Variants in RPS6KC1 observed in about 807,000 individuals in gnomAD.
RPS6KC1 encodes the protein inactive ribosomal protein S6 kinase delta-1.
In RPS6KC1, 54 loss-of-function variants were observed where a neutral mutation model predicts 103.8. The observed-to-expected ratio is 0.52, with a 90% CI of 0.42 to 0.65. The LOEUF is 0.65. Among genes scored for constraint, RPS6KC1 ranks in the 30% least tolerant of loss-of-function variants. The probability of loss-of-function intolerance (pLI) is 0.00; values close to 1 mark genes in which losing one functional copy is unlikely to be tolerated. For missense variants in RPS6KC1, 1,151 were observed against 1,253.8 expected (o/e 0.92, Z 1.24); for synonymous variants, 439 against 438.7 (o/e 1.00, Z -0.01).
the RPS6KC1 span, among the ~76,000 whole-genome samples, chr1:213,460,443 A>AATATTCT: frequency 6.7e-6 from 1 of 148,244 alleles, no homozygotes; most frequent in Non-Finnish European, 1.5e-5. Context: ...TTACTTGGTA[A>AATATTCT]ATATTCTTCC....
Position 213,167,843 on chromosome 1 carries a change from G to C in RPS6KC1, c.836-15G>C, listed in dbSNP as rs757944948. On this transcript the variant is annotated splice_polypyrimidine_tract_variant and intron_variant, in intron 6 of 14. Coordinates refer to ENST00000366960, the MANE Select transcript of RPS6KC1 (RefSeq NM_012424.6). Reference sequence around the variant, plus strand: ...GGAAAATTTATTTTTTACATGTCCAGACTTTTTTTTTTAGGAGAGTCAAGC... The same window carrying C: ...GGAAAATTTATTTTTTACATGTCCACACTTTTTTTTTTAGGAGAGTCAAGC... 3.7e-5 allele frequency: 58 copies of C among 1,567,106 alleles called. No homozygotes were observed. Among genetic ancestry groups the C allele is most frequent in the Non-Finnish European group, 5.0e-5 (57 of 1,148,328 alleles).
At chr1:213,384,744 C>T in the RPS6KC1 span, among the ~76,000 whole-genome samples, 1 of 152,226 alleles carries the variant, frequency 6.6e-6, no homozygotes, top group Non-Finnish European at 1.5e-5. Context: ...GGAGAGCTGA[C>T]ATTCACTTCT....
At chr1:213,315,984 A>C in the RPS6KC1 span, among the ~76,000 whole-genome samples, 1 of 152,234 alleles carries the variant, frequency 6.6e-6, no homozygotes, top group Non-Finnish European at 1.5e-5. Flanking sequence ...AGATGGTATT[A>C]CTTCTTTATT....
the RPS6KC1 span, among the ~76,000 whole-genome samples, chr1:213,540,177 A>T: frequency 3.9e-5 from 6 of 151,974 alleles, no homozygotes; most frequent in Admixed American, 6.6e-5. Flanking sequence ...CAGTGGTGCA[A>T]TCATAGCACC....
the RPS6KC1 span, among the ~76,000 whole-genome samples, chr1:213,619,530 G>T: frequency 6.6e-6 from 1 of 152,198 alleles, no homozygotes; most frequent in African/African-American, 2.4e-5. Context: ...AATAAATGTG[G>T]GTTTTTAGAT....
chr1:213,681,563 G>A, the RPS6KC1 span, among the ~76,000 whole-genome samples: 1 of 152,074 alleles, frequency 6.6e-6, no homozygotes, highest in Non-Finnish European at 1.5e-5. Flanking sequence ...TTTGGAGGCC[G>A]AGGCAGGAGG....
At position 213,242,763 on chromosome 1, in the gene RPS6KC1, G is replaced by A. The variant is rs2094385572; in HGVS notation, c.2911+105G>A. On this transcript the variant is annotated intron_variant, in intron 12 of 14. Transcript: ENST00000366960. ...TATTGTTCACTAGCAGTTTACATAT[G>A]TGTTGGATTTGGTTATCTGTTTAAC... is the stretch of plus-strand genomic sequence containing the variant. 3.4e-6 allele frequency: 3 copies of A among 884,538 alleles called. No homozygotes were observed. The East Asian group carries it at 8.2e-5, about 24-fold the overall frequency. The allele number at this position is 884,538 out of a possible 1,614,324, so 54.8% of individuals were successfully genotyped here.
the RPS6KC1 span, among the ~76,000 whole-genome samples, chr1:213,755,879 T>G: frequency 6.6e-6 from 1 of 152,222 alleles, no homozygotes; most frequent in African/African-American, 2.4e-5. Flanking sequence ...TGTCAGACAC[T>G]GAGATAAACA....
chr1:213,200,839 C>T (rs1468980827), intron 8 of RPS6KC1, among the ~76,000 whole-genome samples: 1 of 152,122 alleles, frequency 6.6e-6, no homozygotes, highest in Non-Finnish European at 1.5e-5. Flanking sequence ...TAAAAGAAGA[C>T]ATACATGCAG....
At chr1:213,621,777 T>C in the RPS6KC1 span, among the ~76,000 whole-genome samples, 1 of 152,202 alleles carries the variant, frequency 6.6e-6, no homozygotes, top group African/African-American at 2.4e-5. Flanking sequence ...AGCATTAAAG[T>C]GTGGGCCCTT....
At chr1:213,243,217 T>C (rs1027402691) in intron 12 of RPS6KC1, among the ~76,000 whole-genome samples, 2 of 152,022 alleles carry the variant, frequency 1.3e-5, no homozygotes, top group African/African-American at 4.8e-5. Flanking sequence ...CCCAGGCTGG[T>C]CTAGAACTCC....
At chr1:213,236,851 G>C (rs912481725) in intron 10 of RPS6KC1, among the ~76,000 whole-genome samples, 1 of 151,992 alleles carries the variant, frequency 6.6e-6, no homozygotes, top group African/African-American at 2.4e-5. Context: ...GCCCCAAGGA[G>C]TAAAATGATT....
At chr1:213,774,019 T>A in the RPS6KC1 span, among the ~76,000 whole-genome samples, 1 of 152,194 alleles carries the variant, frequency 6.6e-6, no homozygotes, top group Non-Finnish European at 1.5e-5. Flanking sequence ...TGTCAGGGTA[T>A]GTGTGGTTTT....
At chr1:213,333,165 G>C in the RPS6KC1 span, among the ~76,000 whole-genome samples, 1 of 152,146 alleles carries the variant, frequency 6.6e-6, no homozygotes, top group Non-Finnish European at 1.5e-5. Context: ...AGCTATTCCG[G>C]CATTTCTCTT....
chr1:213,228,130 C>T (rs929552700), intron 8 of RPS6KC1, among the ~76,000 whole-genome samples: 2 of 152,012 alleles, frequency 1.3e-5, no homozygotes, highest in Admixed American at 1.3e-4. Context: ...TGTAAAACAG[C>T]AGAAGAAAGG....
At chr1:213,333,398 C>G in the RPS6KC1 span, among the ~76,000 whole-genome samples, 7 of 152,100 alleles carry the variant, frequency 4.6e-5, no homozygotes, top group African/African-American at 1.7e-4. Flanking sequence ...TAAGACTTAC[C>G]CATGTGGTGA....
chr1:213,399,220 C>T, the RPS6KC1 span, among the ~76,000 whole-genome samples: 1 of 152,190 alleles, frequency 6.6e-6, no homozygotes, highest in African/African-American at 2.4e-5. Context: ...CCCTGCCTTC[C>T]AGGAGTTCTA....
At chr1:213,562,083 T>C in the RPS6KC1 span, among the ~76,000 whole-genome samples, 1 of 152,230 alleles carries the variant, frequency 6.6e-6, no homozygotes, top group Non-Finnish European at 1.5e-5. Flanking sequence ...GGCTTGGCGA[T>C]GTCAATTAGT....
At chr1:213,463,116 G>C in the RPS6KC1 span, among the ~76,000 whole-genome samples, 1 of 152,270 alleles carries the variant, frequency 6.6e-6, no homozygotes, top group South Asian at 2.1e-4. Flanking sequence ...TAAACAATGT[G>C]TTTATTCTTG....
Sources: allele counts gnomAD v4.1 joint callset (sites outside exome capture counted in the v4.1 genomes callset), GRCh38; gene constraint gnomAD v4.1.1; transcripts MANE v1.5; gene names NCBI Gene and HGNC (gene_info 2026-07-23, HGNC 2026-07-21).